The following LTF variants were observed in gnomAD, a reference collection of about 807,000 sequenced individuals.
The protein encoded by LTF is epididymis luminal protein 110.
LTF carries 91 observed loss-of-function variants against 87.2 expected under a neutral mutation model. The observed-to-expected ratio is 1.04, with a 90% CI of 0.88 to 1.24. The LOEUF is 1.24. Ranked by LOEUF, LTF falls within the 50% of genes most tolerant of loss-of-function variation. The pLI is 0.00. For missense variants in LTF, 901 were observed against 904.3 expected, an observed-to-expected ratio of 1.00 and a Z score of 0.05; for synonymous variants, 378 against 356.1, an observed-to-expected ratio of 1.06 and a Z score of -0.69.
chr3:46,479,980 G>T (rs1703412595), intron 1 of LTF, among the ~76,000 whole-genome samples: 1 of 152,176 alleles, frequency 6.6e-6, no homozygotes, highest in Non-Finnish European at 1.5e-5. Flanking sequence ...CAAGGTGTTT[G>T]GCCTGAGAAA....
chr3:46,443,925 T>A (rs1488377244), intron 12 of LTF, among the ~76,000 whole-genome samples: 1 of 152,190 alleles, frequency 6.6e-6, no homozygotes, highest in East Asian at 1.9e-4. Flanking sequence ...GTCCAGGATC[T>A]GATTTTGTTT....
intron 7 of LTF, among the ~76,000 whole-genome samples, 199 bp downstream of exon 7, chr3:46,450,296 C>T (rs1439376508): frequency 3.9e-5 from 6 of 152,068 alleles, no homozygotes; most frequent in South Asian, 2.1e-4. Context: ...CATCATAAGA[C>T]GCTGTCAGCC....
At chr3:46,467,043 C>G (rs1036606434), upstream of LTF, among the ~76,000 whole-genome samples, 3 of 152,128 alleles carry the variant, frequency 2.0e-5, no homozygotes, top group African/African-American at 7.2e-5. Context: ...GGGTAGGCAA[C>G]AGGGCAGACT....
At chr3:46,474,994 T>C (rs111664133) in intron 1 of LTF, among the ~76,000 whole-genome samples, 125 of 152,284 alleles carry the variant, frequency 8.2e-4, no homozygotes, top group Middle Eastern at 3.4e-3. Context: ...ATGATTACAT[T>C]AGAGGAGGAA....
chr3:46,472,517 T>TGA (rs1378409928), intron 1 of LTF, among the ~76,000 whole-genome samples: 22 of 150,302 alleles, frequency 1.5e-4, no homozygotes, highest in African/African-American at 5.4e-4. Context: ...TGTGTGTGTG[T>TGA]GTGTGTGTGT....
intron 2 of LTF, among the ~76,000 whole-genome samples, chr3:46,456,917 A>C (rs142049239): frequency 1.3e-5 from 2 of 152,126 alleles, no homozygotes; most frequent in Admixed American, 6.5e-5. Flanking sequence ...AGGGAATGTA[A>C]TTTTTCCACA....
upstream of LTF, chr3:46,465,151 G>A: frequency 2.0e-6 from 1 of 504,706 alleles, no homozygotes; most frequent in Non-Finnish European, 3.5e-6. Context: ...TAGTCTGCAA[G>A]CCCCTAGGAG....
chr3:46,446,773 A>T (rs1702664413), intron 10 of LTF, among the ~76,000 whole-genome samples: 1 of 152,246 alleles, frequency 6.6e-6, no homozygotes, highest in African/African-American at 2.4e-5. Flanking sequence ...TGAACAGTCT[A>T]CAACTACACA....
intron 8 of LTF, 74 bp downstream of exon 8, chr3:46,449,780 A>C: frequency 6.5e-7 from 1 of 1,540,516 alleles, no homozygotes; most frequent in Non-Finnish European, 8.9e-7. Context: ...AGTGACCGCC[A>C]CAAAGTAGGG....
rs1004807880 is a variant in LTF, at chr3:46,438,102, A to G, written c.1936T>C (p.Cys646Arg). The G allele has an allele frequency of 6.2e-7, 1 of 1,613,780 alleles. No homozygotes were observed. Among genetic ancestry groups the G allele is most frequent in the Non-Finnish European group, 8.5e-7 (1 of 1,179,914 alleles). ...QAKFGRNGSDCPDKFCLFQSE... is the reference protein window; with the variant it reads ...QAKFGRNGSDRPDKFCLFQSE... The stretch of plus-strand genomic sequence containing the variant: ...TGGAATAAGCAAAACTTGTCCGGGC[A>G]GTCAGATCCATTTCTCCCAAATTTA... Residue 646 changes from cysteine to arginine, a missense_variant, in exon 16 of 17, where the codon TGC becomes CGC. Physicochemically the swap from Cys to Arg is radical, Grantham distance 180 (BLOSUM62 -3). Coordinates refer to ENST00000231751, the MANE Select transcript of LTF (RefSeq NM_002343.6).
At chr3:46,453,622 C>A (rs1479750491) in intron 6 of LTF, among the ~76,000 whole-genome samples, 2 of 152,066 alleles carry the variant, frequency 1.3e-5, no homozygotes, top group South Asian at 4.2e-4. Flanking sequence ...GTAGCCCTGT[C>A]TCTATTGGTC....
At chr3:46,470,525 G>A (rs1272893350) in intron 1 of LTF, 2 of 152,300 alleles carry the variant, frequency 1.3e-5, no homozygotes, top group Non-Finnish European at 2.9e-5. Flanking sequence ...TGGGCGAGCA[G>A]AGGAGTGAGG....
At chr3:46,442,139 A>T (rs71327065) in intron 13 of LTF, among the ~76,000 whole-genome samples, 8,875 of 152,238 alleles carry the variant, frequency 0.058, 382 homozygotes, top group South Asian at 0.14. Context: ...GGGAAATATA[A>T]TATGAGAATA....
At chr3:46,437,833 C>T in intron 16 of LTF, 107 bp downstream of exon 16, 5 of 809,698 alleles carry the variant, frequency 6.2e-6, no homozygotes, top group Non-Finnish European at 1.0e-5. Flanking sequence ...TATTATCTTT[C>T]CTTAACATTT....
intron 1 of LTF, among the ~76,000 whole-genome samples, chr3:46,483,776 A>C (rs1703482104): frequency 6.6e-6 from 1 of 152,160 alleles, no homozygotes; most frequent in Admixed American, 6.5e-5. Flanking sequence ...TATGTAGGTT[A>C]GGTGTCAGTA....
intron 4 of LTF, 115 bp downstream of exon 4, chr3:46,455,681 T>C: frequency 7.7e-7 from 1 of 1,302,452 alleles, no homozygotes; most frequent in South Asian, 1.5e-5. Context: ...CTGGCCAGCC[T>C]CACCCCCACC....
At chr3:46,469,231 C>A (rs901256718), upstream of LTF, among the ~76,000 whole-genome samples, 6 of 152,234 alleles carry the variant, frequency 3.9e-5, no homozygotes, top group Admixed American at 3.9e-4. Flanking sequence ...CAACTGCTAT[C>A]CCTGAGTCTC....
At position 46,438,093 on chromosome 3, in the gene LTF, T is replaced by C. The variant is rs780557539; in HGVS notation, c.1945A>G (p.Lys649Glu). 1 of 1,614,064 alleles carries C rather than the reference T, an allele frequency of 6.2e-7. No individual in the cohort carries two copies. The highest frequency in any genetic ancestry group is 8.5e-7 in the Non-Finnish European group (1 of 1,180,000). Residue 649 changes from lysine to glutamate, a missense_variant, in exon 16 of 17, where the codon AAG (lysine) becomes GAG (glutamate). Physicochemically the swap from Lys to Glu is moderately conservative, Grantham distance 56. Transcript: ENST00000231751. ...GTTTCAGACTGGAATAAGCAAAACT[T>C]GTCCGGGCAGTCAGATCCATTTCTC... ...FGRNGSDCPD[K>E]FCLFQSETKN...
chr3:46,464,817 G>A lies in LTF; in HGVS notation c.43+8C>T, dbSNP rs754102457. 1 of 1,614,078 alleles carries A rather than the reference G, an allele frequency of 6.2e-7. No individual in the cohort carries two copies. Among genetic ancestry groups the A allele is most frequent in the South Asian group, 1.1e-5 (1 of 91,072 alleles). On this transcript the variant is annotated splice_region_variant and intron_variant, in intron 1 of 16. Transcript: ENST00000231751. ...AGGCGGCTCGCGCCCCCAGGCACCT[G>A]CACTCACCGAGGGCCCCGAGGAACA...
Sources: allele counts gnomAD v4.1 joint callset (sites outside exome capture counted in the v4.1 genomes callset), GRCh38; gene constraint gnomAD v4.1.1; transcripts MANE v1.5; gene names NCBI Gene and HGNC (gene_info 2026-07-23, HGNC 2026-07-21).